Variants in FNIP1 observed in about 807,000 individuals in gnomAD.
FNIP1 encodes folliculin-interacting protein 1.
Under a neutral mutation model 124.5 loss-of-function variants are expected in FNIP1, and 40 were observed. The ratio of observed to expected loss-of-function variants is 0.32; its 90% CI spans 0.25 to 0.42. The LOEUF is 0.42. Among genes scored for constraint, FNIP1 ranks in the 10% least tolerant of loss-of-function variants. The pLI, the probability that FNIP1 is intolerant of heterozygous loss-of-function variation, is 1.00. For synonymous variants in FNIP1, 472 were observed against 470.6 expected (o/e 1.00, Z -0.04); for missense variants, 1,176 against 1,403.7 (o/e 0.84, Z 2.59).
intron 15 of FNIP1, among the ~76,000 whole-genome samples, chr5:131,657,452 A>T (rs1403465522): frequency 6.6e-6 from 1 of 152,100 alleles, no homozygotes; most frequent in African/African-American, 2.4e-5. Flanking sequence ...CCCTAAACAC[A>T]TCTCTAACTC....
At chr5:131,726,470 A>G (rs1249376882) in intron 3 of FNIP1, among the ~76,000 whole-genome samples, 1 of 152,034 alleles carries the variant, frequency 6.6e-6, no homozygotes, top group Non-Finnish European at 1.5e-5. Context: ...TAGATTTTCT[A>G]GTTTATTTGT....
At chr5:131,742,416 T>C (rs900780597) in intron 2 of FNIP1, among the ~76,000 whole-genome samples, 1 of 152,150 alleles carries the variant, frequency 6.6e-6, no homozygotes, top group African/African-American at 2.4e-5. Context: ...TGAGCTGAGA[T>C]TGTGCCACTG....
chr5:131,787,292 A>G (rs1176478013), intron 1 of FNIP1, among the ~76,000 whole-genome samples: 1 of 152,242 alleles, frequency 6.6e-6, no homozygotes, highest in Non-Finnish European at 1.5e-5. Context: ...TAACAGATCA[A>G]GAGGCACTGC....
rs547498771 is a variant in FNIP1, at chr5:131,785,132, AC to A, written c.92+11697del. Among the ~76,000 whole-genome samples, 160 of 22,894 alleles carry A rather than the reference AC, an allele frequency of 7.0e-3. 1 individual carries two copies. The highest frequency in any genetic ancestry group is 0.016 in the African/African-American group (129 of 7,932). 15.0% of individuals were successfully genotyped at this position (22,894 alleles called of 152,430 possible). A position where few individuals can be genotyped will look rare whatever the true frequency, so the allele number is the denominator to read the frequency against. On this transcript the variant is annotated intron_variant, in intron 1 of 17. Coordinates refer to ENST00000510461, the MANE Select transcript of FNIP1 (RefSeq NM_133372.3). ...ATATATCATATATATGATATATATG[AC>A]TATATATATAGTCATATATATGATA...
chr5:131,697,539 T>C (rs1001651681), intron 11 of FNIP1, among the ~76,000 whole-genome samples: 13 of 152,188 alleles, frequency 8.5e-5, no homozygotes, highest in African/African-American at 3.1e-4. Context: ...TGAAATAGAT[T>C]TATTTAGGTA....
At chr5:131,668,122 T>C (rs929382808) in intron 15 of FNIP1, among the ~76,000 whole-genome samples, 2 of 152,200 alleles carry the variant, frequency 1.3e-5, no homozygotes, top group Admixed American at 6.5e-5. Context: ...CTTGACCTGA[T>C]AGCTATAGAA....
chr5:131,790,478 CAAAAAAAAA>C lies in FNIP1; in HGVS notation c.92+6343_92+6351del, dbSNP rs56699008. The stretch of plus-strand genomic sequence containing the variant: ...TGGGCGATAGAGCAAGAACCTGTCT[CAAAAAAAAA>C]AAAAAAAAAAAAAAAGGCACCTACT... On this transcript the variant is annotated intron_variant, in intron 1 of 17. Coordinates refer to ENST00000510461, the MANE Select transcript of FNIP1 (RefSeq NM_133372.3). Among the ~76,000 whole-genome samples, 29 of 70,588 alleles carry C rather than the reference CAAAAAAAAA, an allele frequency of 4.1e-4. No homozygotes were observed. In the South Asian group the frequency reaches 0.013, roughly 32 times the overall value. The allele number at this position is 70,588 out of a possible 152,430, so 46.3% of individuals were successfully genotyped here. A position where few individuals can be genotyped will look rare whatever the true frequency, so the allele number is the denominator to read the frequency against.
At position 131,659,650 on chromosome 5, in the gene FNIP1, G is replaced by A. The variant is rs1336871623; in HGVS notation, c.3109-7651C>T. On this transcript the variant is annotated intron_variant, in intron 15 of 17. Transcript: ENST00000510461. ...TGGGCACTGTGTGGGTGACTCCATC[G>A]CTGGAGTCCATCACAATGCCAGTGG... Among the ~76,000 whole-genome samples the A allele has an allele frequency of 2.6e-5, 4 of 152,186 alleles. No individual in the cohort carries two copies. The South Asian group carries it at 8.3e-4, about 32-fold the overall frequency.
Position 131,672,748 on chromosome 5 carries a change from C to G in FNIP1, c.1696G>C (p.Gly566Arg). ...NGEDEAIVMP[G>R]TVITTTLEKG... is the part of the protein sequence containing the mutation. ...TCTAAAGTGGTAGTAATTACTGTGC[C>G]TGGCATAACGATGGCTTCATCTTCT... The change falls in exon 14 of 18, where the codon GGC (glycine) becomes CGC (arginine). Residue 566 changes from glycine to arginine, a missense_variant. This residue lies in a region of FNIP1 where 1,109 missense variants were observed against 1,288.5 expected (regional missense o/e 0.86). Coordinates refer to ENST00000510461, the MANE Select transcript of FNIP1 (RefSeq NM_133372.3). 1 of 1,613,678 alleles carries G rather than the reference C, an allele frequency of 6.2e-7. No individual in the cohort carries two copies. Among genetic ancestry groups the G allele is most frequent in the South Asian group, 1.1e-5 (1 of 90,992 alleles).
At chr5:131,780,719 T>C (rs753004313) in intron 1 of FNIP1, among the ~76,000 whole-genome samples, 2 of 152,196 alleles carry the variant, frequency 1.3e-5, no homozygotes, top group Non-Finnish European at 2.9e-5. Context: ...GCAAACTTAA[T>C]TGGTAAGTGT....
chr5:131,706,600 C>A, intron 8 of FNIP1, 54 bp from the exon 9 acceptor site: 1 of 1,403,948 alleles, frequency 7.1e-7, no homozygotes, highest in Non-Finnish European at 9.4e-7. Context: ...AGCATAATGA[C>A]AAATTTCTTT....
chr5:131,785,321 G>A (rs958681117), intron 1 of FNIP1, among the ~76,000 whole-genome samples: 54 of 151,730 alleles, frequency 3.6e-4, no homozygotes, highest in African/African-American at 1.3e-3. Context: ...CTGGGAGGTT[G>A]AGGCAGGTGG....
At chr5:131,681,891 G>T (rs913750024) in intron 11 of FNIP1, among the ~76,000 whole-genome samples, 4 of 151,594 alleles carry the variant, frequency 2.6e-5, no homozygotes, top group African/African-American at 9.7e-5. Context: ...CCAAGAAACA[G>T]GTATAAACCC....
chr5:131,790,277 T>G (rs972945518), intron 1 of FNIP1, among the ~76,000 whole-genome samples: 20 of 151,990 alleles, frequency 1.3e-4, no homozygotes, highest in African/African-American at 4.8e-4. Flanking sequence ...GATCAGCCTC[T>G]ATACTGGCCT....
At chr5:131,648,524 G>A (rs1278072325) in intron 16 of FNIP1, among the ~76,000 whole-genome samples, 4 of 152,038 alleles carry the variant, frequency 2.6e-5, no homozygotes, top group Admixed American at 2.6e-4. Context: ...CTTTATTATT[G>A]TAAAACACAA....
At chr5:131,662,662 C>T (rs1203862701) in intron 15 of FNIP1, among the ~76,000 whole-genome samples, 4 of 151,790 alleles carry the variant, frequency 2.6e-5, no homozygotes, top group African/African-American at 9.7e-5. Flanking sequence ...ATTCTTTTCC[C>T]TTCCATGCAC....
intron 1 of FNIP1, among the ~76,000 whole-genome samples, chr5:131,787,051 C>G (rs930901782): frequency 6.6e-6 from 1 of 152,138 alleles, no homozygotes; most frequent in Admixed American, 6.5e-5. Flanking sequence ...CCCTCTTCAG[C>G]CAGCATTTTG....
At chr5:131,765,802 C>G (rs895261223) in intron 1 of FNIP1, among the ~76,000 whole-genome samples, 11 of 152,136 alleles carry the variant, frequency 7.2e-5, no homozygotes, top group Non-Finnish European at 1.6e-4. Context: ...CTAAATACCC[C>G]ACTTATCAAC....
chr5:131,661,467 C>T (rs1185994301), intron 15 of FNIP1, among the ~76,000 whole-genome samples: 1 of 152,062 alleles, frequency 6.6e-6, no homozygotes, highest in Non-Finnish European at 1.5e-5. Context: ...TCAAAGATGA[C>T]AGGGGCACAC....
Sources: gnomAD v4.1 joint callset for allele counts (sites outside exome capture counted in the v4.1 genomes callset) on GRCh38, gnomAD v4.1.1 for gene constraint, gnomAD v4.1.1 regional missense constraint, MANE v1.5 for transcripts, NCBI Gene and HGNC (gene_info 2026-07-23, HGNC 2026-07-21) for gene names.